The following TRPC4 variants were observed in gnomAD, a reference collection of about 807,000 sequenced individuals.
TRPC4 encodes transient receptor potential cation channel subfamily C member 4, also known as short transient receptor potential channel 4.
TRPC4 carries 49 observed loss-of-function variants against 99.4 expected under a neutral mutation model. The ratio of observed to expected loss-of-function variants is 0.49; its 90% CI spans 0.39 to 0.63. TRPC4 has a LOEUF of 0.63. Ranked by LOEUF, TRPC4 falls within the 20% of genes least tolerant of loss-of-function variation. TRPC4 has a pLI of 0.00. For missense variants in TRPC4, 898 were observed against 1,152.9 expected, an observed-to-expected ratio of 0.78 and a Z score of 3.20; for synonymous variants, 454 against 425.9, an observed-to-expected ratio of 1.07 and a Z score of -0.81.
intron 1 of TRPC4, among the ~76,000 whole-genome samples, chr13:37,803,342 C>T (rs1957452745): frequency 6.6e-6 from 1 of 152,054 alleles, no homozygotes; most frequent in Admixed American, 6.6e-5. Flanking sequence ...TGGAATGTCA[C>T]TGACTAGGCA....
intron 3 of TRPC4, among the ~76,000 whole-genome samples, chr13:37,695,986 TAGTC>T (rs1416026243): frequency 3.3e-5 from 5 of 152,170 alleles, no homozygotes; most frequent in African/African-American, 1.2e-4. Context: ...TACATTGTAT[TAGTC>T]AGTTTTTATA....
chr13:37,845,152 C>T lies in TRPC4; in HGVS notation c.-28+24443G>A, dbSNP rs999779105. ...CCTTAAGGTCTGTTTGGGGTCGCTA[C>T]AAGCTGTCTCATCTAGAATTTTTAA... On this transcript the variant is annotated intron_variant, in intron 1 of 10. Transcript: ENST00000379705. Among the ~76,000 whole-genome samples the T allele has an allele frequency of 3.9e-5, 6 of 152,134 alleles. No homozygotes were observed. In the East Asian group the frequency reaches 1.2e-3, roughly 29 times the overall value.
intron 3 of TRPC4, among the ~76,000 whole-genome samples, chr13:37,723,978 C>G (rs933383574): frequency 6.6e-6 from 1 of 152,028 alleles, no homozygotes; most frequent in Admixed American, 6.6e-5. Flanking sequence ...TGCAAAGATT[C>G]TTTTACAAGA....
chr13:37,782,860 G>T, intron 2 of TRPC4, 96 bp downstream of exon 2: 4 of 1,182,560 alleles, frequency 3.4e-6, no homozygotes, highest in South Asian at 2.1e-5. Flanking sequence ...AAATTTTCAG[G>T]GCATTTGAAA....
chr13:37,784,364 A>G (rs17265071), intron 1 of TRPC4, among the ~76,000 whole-genome samples: 10,062 of 152,236 alleles, frequency 0.066, 401 homozygotes, highest in Non-Finnish European at 0.091. Context: ...GAGAAAATTA[A>G]TTCAAGTAAA....
At chr13:37,704,861 A>T (rs1192867776) in intron 3 of TRPC4, among the ~76,000 whole-genome samples, 1 of 152,162 alleles carries the variant, frequency 6.6e-6, no homozygotes, top group South Asian at 2.1e-4. Flanking sequence ...AATTTAAATG[A>T]GTACATTCAT....
intron 1 of TRPC4, among the ~76,000 whole-genome samples, chr13:37,860,157 A>C (rs1959223464): frequency 6.6e-6 from 1 of 151,536 alleles, no homozygotes; most frequent in Non-Finnish European, 1.5e-5. Flanking sequence ...TGCATAAATT[A>C]AAATTAAAAT....
chr13:37,639,956 G>C (rs1409668985), intron 8 of TRPC4, among the ~76,000 whole-genome samples: 2 of 151,932 alleles, frequency 1.3e-5, no homozygotes, highest in Non-Finnish European at 2.9e-5. Context: ...ACAGGGCAGT[G>C]ATTTGGGATT....
intron 3 of TRPC4, among the ~76,000 whole-genome samples, chr13:37,703,315 A>G (rs1954161554): frequency 6.6e-6 from 1 of 152,076 alleles, no homozygotes; most frequent in African/African-American, 2.4e-5. Context: ...TTACCCATCT[A>G]TGTTTATTGT....
chr13:37,706,372 A>G (rs929163430), intron 3 of TRPC4, among the ~76,000 whole-genome samples: 1 of 152,164 alleles, frequency 6.6e-6, no homozygotes, highest in African/African-American at 2.4e-5. Flanking sequence ...TCTTCTTAAC[A>G]TAATGTGAAA....
intron 6 of TRPC4, among the ~76,000 whole-genome samples, chr13:37,660,775 T>C (rs2138673756): frequency 6.6e-6 from 1 of 152,168 alleles, no homozygotes; most frequent in Admixed American, 6.6e-5. Context: ...TAGTGGGCAG[T>C]AAAAAAGAGC....
chr13:37,741,757 C>T (rs534598654), intron 3 of TRPC4, among the ~76,000 whole-genome samples: 3 of 151,986 alleles, frequency 2.0e-5, no homozygotes, highest in Admixed American at 6.6e-5. Context: ...AGGCTAGCAG[C>T]GTCAGTTTTC....
intron 1 of TRPC4, among the ~76,000 whole-genome samples, chr13:37,818,982 GA>G (rs1003897263): frequency 2.9e-4 from 44 of 151,522 alleles, no homozygotes; most frequent in Middle Eastern, 3.4e-3. Flanking sequence ...ACAAGCATAT[GA>G]AAAAAAATTT....
intron 8 of TRPC4, among the ~76,000 whole-genome samples, chr13:37,641,424 T>C (rs1161524850): frequency 2.0e-5 from 3 of 152,228 alleles, no homozygotes; most frequent in African/African-American, 7.2e-5. Flanking sequence ...ACCACAAAAC[T>C]ATTTTTTAGT....
chr13:37,813,771 T>G (rs1021918046), intron 1 of TRPC4, among the ~76,000 whole-genome samples: 2 of 151,798 alleles, frequency 1.3e-5, no homozygotes, highest in African/African-American at 2.4e-5. Context: ...CATAGATAAA[T>G]TCTACCAAAT....
Position 37,677,409 on chromosome 13 carries a change from A to G in TRPC4, c.1235-3042T>C, listed in dbSNP as rs75243567. On this transcript the variant is annotated intron_variant, in intron 4 of 10. Coordinates refer to ENST00000379705, the MANE Select transcript of TRPC4 (RefSeq NM_016179.4). Reference sequence around the variant, plus strand: ...AAAATAAAGAGATGATCATATATGAAAAAAGTACAGGCATAACTCTATCAC... The same window carrying G: ...AAAATAAAGAGATGATCATATATGAGAAAAGTACAGGCATAACTCTATCAC... Among the ~76,000 whole-genome samples the G allele has an allele frequency of 3.7e-4, 56 of 152,150 alleles. 3 individuals are homozygous for G. The East Asian group carries it at 0.011, about 29-fold the overall frequency.
chr13:37,667,719 T>C (rs904942322), intron 5 of TRPC4, among the ~76,000 whole-genome samples: 2 of 152,208 alleles, frequency 1.3e-5, no homozygotes, highest in African/African-American at 4.8e-5. Flanking sequence ...ACTTGCTACA[T>C]AAAGCCTCTA....
chr13:37,839,433 C>T (rs1337557589), intron 1 of TRPC4, among the ~76,000 whole-genome samples: 2 of 152,096 alleles, frequency 1.3e-5, no homozygotes, highest in African/African-American at 4.8e-5. Context: ...TAATCTATGT[C>T]TCTAGTCATT....
intron 1 of TRPC4, among the ~76,000 whole-genome samples, chr13:37,794,878 T>C (rs566311292): frequency 6.6e-6 from 1 of 152,290 alleles, no homozygotes; most frequent in South Asian, 2.1e-4. Context: ...CAGAATTCTG[T>C]AACTGTTCAG....
Sources: gnomAD v4.1 joint callset for allele counts (sites outside exome capture counted in the v4.1 genomes callset) on GRCh38, gnomAD v4.1.1 for gene constraint, MANE v1.5 for transcripts, NCBI Gene and HGNC (gene_info 2026-07-23, HGNC 2026-07-21) for gene names.